The following IMPACT variants were observed in gnomAD, a reference collection of about 807,000 sequenced individuals.
IMPACT encodes protein IMPACT.
Under a neutral mutation model 47.5 loss-of-function variants are expected in IMPACT, and 35 were observed. The observed-to-expected ratio is 0.74, with a 90% CI of 0.56 to 0.98. The LOEUF is 0.98. Ranked by LOEUF, IMPACT falls within the 50% of genes least tolerant of loss-of-function variation. IMPACT has a pLI of 0.00. For missense variants in IMPACT, 373 were observed against 394.8 expected (o/e 0.94, Z 0.47); for synonymous variants, 118 against 125.6 (o/e 0.94, Z 0.40).
chr18:24,431,862 C>G (rs752632990), intron 4 of IMPACT, among the ~76,000 whole-genome samples: 9 of 152,068 alleles, frequency 5.9e-5, no homozygotes, highest in Non-Finnish European at 1.0e-4. Flanking sequence ...CCACCACGCA[C>G]AGCCAATGTT....
At chr18:24,441,841 A>T (rs1909122530) in intron 6 of IMPACT, among the ~76,000 whole-genome samples, 3 of 152,206 alleles carry the variant, frequency 2.0e-5, no homozygotes, top group Non-Finnish European at 4.4e-5. Context: ...TTGTGTGTGG[A>T]TTTGACATAT....
chr18:24,445,618 G>T (rs943789711), intron 8 of IMPACT, 152 bp downstream of exon 8: 4 of 444,812 alleles, frequency 9.0e-6, no homozygotes, highest in African/African-American at 6.1e-5. Context: ...AGATAAAAAA[G>T]AATTGAAGGG....
chr18:24,453,264 G>T lies in IMPACT; in HGVS notation c.*2417G>T, dbSNP rs1026907186. The T allele has an allele frequency of 2.6e-5, 4 of 152,172 alleles. No individual in the cohort carries two copies. The highest frequency in any genetic ancestry group is 9.7e-5 in the African/African-American group (4 of 41,438). 9.4% of individuals were successfully genotyped at this position (152,172 alleles called of 1,614,324 possible). A position where few individuals can be genotyped will look rare whatever the true frequency, so the allele number is the denominator to read the frequency against. ...TACAACCAAGAAATAATAGTATGAA[G>T]CGGATGCTGTTTGGAGGACAGGAAA... On this transcript the variant is annotated 3_prime_UTR_variant, in exon 11 of 11. Coordinates refer to ENST00000284202, the MANE Select transcript of IMPACT (RefSeq NM_018439.4).
chr18:24,434,630 G>A (rs184992760), intron 4 of IMPACT, among the ~76,000 whole-genome samples: 1 of 151,940 alleles, frequency 6.6e-6, no homozygotes, highest in Non-Finnish European at 1.5e-5. Flanking sequence ...GAATGTGGTG[G>A]TGCATACCTG....
At position 24,428,734 on chromosome 18, in the gene IMPACT, T is replaced by C. The variant is rs1238832206; in HGVS notation, c.166-135T>C. 1.8e-5 allele frequency: 11 copies of C among 599,484 alleles called. No homozygotes were observed. In the East Asian group the frequency reaches 2.7e-4, roughly 15 times the overall value. 37.1% of individuals were successfully genotyped at this position (599,484 alleles called of 1,614,324 possible). A position where few individuals can be genotyped will look rare whatever the true frequency, so the allele number is the denominator to read the frequency against. Reference sequence around the variant, plus strand: ...TCATCCACTTGGGGTCAGGGTATAATGTCCATATTTCAGTTTTCCTTTTCC... The same window carrying C: ...TCATCCACTTGGGGTCAGGGTATAACGTCCATATTTCAGTTTTCCTTTTCC... On this transcript the variant is annotated intron_variant, in intron 2 of 10. Transcript: ENST00000284202.
rs187130387 is a variant in IMPACT at position 24,428,878 on chromosome 18, C to T, written c.175C>T (p.Pro59Ser). 213 of 1,611,144 alleles carry T rather than the reference C, an allele frequency of 1.3e-4. No individual in the cohort carries two copies. Among genetic ancestry groups the T allele is most frequent in the Middle Eastern group, 1.3e-3 (8 of 6,052 alleles). ...TGAACCTGCATTGTAGGTGATGCTG[C>T]CGAATGAATACCCAGGTACAGCTCC... is the stretch of plus-strand genomic sequence containing the variant. Reference protein sequence around the residue: ...KWTLCLQVMLPNEYPGTAPPI... With the variant: ...KWTLCLQVMLSNEYPGTAPPI... Residue 59 changes from proline to serine, a missense_variant, in exon 3 of 11, where the codon CCG becomes TCG. By Grantham distance (74) the Pro-to-Ser change is moderately conservative. Transcript: ENST00000284202.
intron 1 of IMPACT, chr18:24,427,647 G>A: frequency 2.6e-6 from 1 of 377,918 alleles, no homozygotes. Context: ...CAAAGTATGG[G>A]AGTGCATATA....
intron 2 of IMPACT, 106 bp downstream of exon 2, chr18:24,428,153 T>A: frequency 9.0e-7 from 1 of 1,108,662 alleles, no homozygotes; most frequent in Non-Finnish European, 1.3e-6. Flanking sequence ...ATCTTTGTTC[T>A]TGGCTTTTCT....
At chr18:24,449,977 C>G in intron 10 of IMPACT, 24 bp downstream of exon 10, 3 of 1,607,284 alleles carry the variant, frequency 1.9e-6, no homozygotes, top group South Asian at 1.1e-5. Flanking sequence ...CGTACTACAT[C>G]TAGAGAATTT....
chr18:24,434,898 A>G (rs28402111), intron 4 of IMPACT, among the ~76,000 whole-genome samples: 1 of 35,266 alleles, frequency 2.8e-5, no homozygotes, highest in East Asian at 3.1e-4. Context: ...ATATATGTGT[A>G]TATATATGTG....
At chr18:24,448,317 G>A in intron 9 of IMPACT, 134 bp downstream of exon 9, 1 of 502,886 alleles carries the variant, frequency 2.0e-6, no homozygotes, top group Non-Finnish European at 3.5e-6. Flanking sequence ...ATTAGTAGTT[G>A]ATGTTAAAAT....
intron 4 of IMPACT, among the ~76,000 whole-genome samples, chr18:24,433,184 CTTTTTTTTTTT>C (rs35543338): frequency 2.6e-4 from 21 of 81,114 alleles, no homozygotes; most frequent in African/African-American, 8.8e-4. Flanking sequence ...ACTTTTAAAA[CTTTTTTTTTTT>C]TTTTTTTTTT....
Position 24,436,486 on chromosome 18 carries a change from A to G in IMPACT, c.282-1469A>G, listed in dbSNP as rs926008108. 2.6e-5 allele frequency among the ~76,000 whole-genome samples: 4 copies of G among 151,774 alleles called. No individual in the cohort carries two copies. In the East Asian group the frequency reaches 7.7e-4, roughly 29 times the overall value. ...GGTCTCAAACTCTTGGTTTTAAGCT[A>G]TCCTCCTACGGTGCTGAGATTACAG... On this transcript the variant is annotated intron_variant, in intron 4 of 10. Transcript: ENST00000284202.
intron 9 of IMPACT, among the ~76,000 whole-genome samples, chr18:24,449,182 G>A (rs562354295): frequency 3.7e-4 from 57 of 152,162 alleles, no homozygotes; most frequent in African/African-American, 1.3e-3. Context: ...GCAACATGGT[G>A]AAACCCTGTC....
chr18:24,445,617 AGAATT>A (rs1406038915), intron 8 of IMPACT, 151 bp downstream of exon 8: 2 of 451,036 alleles, frequency 4.4e-6, no homozygotes, highest in Non-Finnish European at 7.6e-6. Flanking sequence ...AAGATAAAAA[AGAATT>A]GAAGGGAAAA....
intron 4 of IMPACT, 106 bp from the exon 5 acceptor site, chr18:24,437,849 G>T (rs1228569131): frequency 3.1e-6 from 2 of 642,606 alleles, no homozygotes; most frequent in Non-Finnish European, 5.5e-6. Flanking sequence ...AAAAGAAATG[G>T]TTAGATTGTT....
At chr18:24,430,868 A>T (rs540199967) in intron 4 of IMPACT, among the ~76,000 whole-genome samples, 2 of 152,354 alleles carry the variant, frequency 1.3e-5, no homozygotes, top group East Asian at 3.9e-4. Flanking sequence ...ATGTAGAATG[A>T]AATTGATTAC....
intron 4 of IMPACT, among the ~76,000 whole-genome samples, chr18:24,433,951 G>T (rs972180607): frequency 6.6e-6 from 1 of 152,026 alleles, no homozygotes; most frequent in African/African-American, 2.4e-5. Flanking sequence ...GATTACAGGC[G>T]TGAGCCACCA....
At chr18:24,440,428 T>G in intron 5 of IMPACT, 68 bp from the exon 6 acceptor site, 1 of 1,543,660 alleles carries the variant, frequency 6.5e-7, no homozygotes, top group Non-Finnish European at 8.8e-7. Context: ...CAAGACCCAG[T>G]GATTTTTTTT....
Sources: gnomAD v4.1 joint callset for allele counts (sites outside exome capture counted in the v4.1 genomes callset) on GRCh38, gnomAD v4.1.1 for gene constraint, MANE v1.5 for transcripts, NCBI Gene and HGNC (gene_info 2026-07-23, HGNC 2026-07-21) for gene names.